Variants in LGR5 observed in about 807,000 individuals in gnomAD.
The protein encoded by LGR5 is leucine rich repeat containing G protein-coupled receptor 5.
LGR5 carries 54 observed loss-of-function variants against 76.7 expected under a neutral mutation model. That is an observed-to-expected ratio of 0.70 (90% confidence interval 0.57 to 0.88). LGR5 has a LOEUF of 0.88. Ranked by LOEUF, LGR5 falls within the 40% of genes least tolerant of loss-of-function variation. The pLI is 0.00. For missense variants in LGR5, 1,078 were observed against 1,073.3 expected (o/e 1.00, Z -0.06); for synonymous variants, 406 against 421.9 (o/e 0.96, Z 0.46).
rs1215329616 is a variant in LGR5 at position 71,584,678 on chromosome 12, T to TATCCAGTGACTGAGAGCTGCCA, written c.2669_2690dup (p.His897GlnfsTer5). The TATCCAGTGACTGAGAGCTGCCA allele has an allele frequency of 6.2e-7, 1 of 1,614,042 alleles. No homozygotes were observed. The highest frequency in any genetic ancestry group is 1.3e-5 in the African/African-American group (1 of 75,044). Reference sequence around the variant, plus strand: ...TCCCAGTTCCGTGCCATCACCAGCTTATCCAGTGACTGAGAGCTGCCATCT... The same window carrying TATCCAGTGACTGAGAGCTGCCA: ...TCCCAGTTCCGTGCCATCACCAGCTTATCCAGTGACTGAGAGCTGCCAATCCAGTGACTGAGAGCTGCCATCT... On this transcript the variant is annotated frameshift_variant, in exon 18 of 18. Coordinates refer to ENST00000266674, the MANE Select transcript of LGR5 (RefSeq NM_003667.4). LOFTEE classifies it high-confidence loss of function.
intron 2 of LGR5, among the ~76,000 whole-genome samples, chr12:71,521,332 G>T (rs1287849750): frequency 6.6e-6 from 1 of 152,140 alleles, no homozygotes; most frequent in Non-Finnish European, 1.5e-5. Flanking sequence ...ATCCTGATTC[G>T]ATTATTCATC....
At chr12:71,442,832 A>T (rs1871825395) in intron 1 of LGR5, among the ~76,000 whole-genome samples, 1 of 152,240 alleles carries the variant, frequency 6.6e-6, no homozygotes, top group Non-Finnish European at 1.5e-5. Context: ...CCAAAACATA[A>T]AAGAGGAATT....
chr12:71,572,400 T>A lies in LGR5; in HGVS notation c.1137-450T>A, dbSNP rs898163023. 3.3e-5 allele frequency among the ~76,000 whole-genome samples: 5 copies of A among 152,310 alleles called. No homozygotes were observed. The East Asian group carries it at 7.7e-4, about 23-fold the overall frequency. On this transcript the variant is annotated intron_variant, in intron 12 of 17. Coordinates refer to ENST00000266674, the MANE Select transcript of LGR5 (RefSeq NM_003667.4). ...CCCGGCCAAACTTGTTGTTTTATAG[T>A]CACACTTCAGTTTTGATCAAAACAA...
intron 3 of LGR5, among the ~76,000 whole-genome samples, chr12:71,530,708 C>A (rs1297314257): frequency 6.6e-6 from 1 of 152,142 alleles, no homozygotes; most frequent in Non-Finnish European, 1.5e-5. Flanking sequence ...CTAGTGTAAG[C>A]CATTCCATCA....
chr12:71,496,387 A>AG (rs1874321609), intron 1 of LGR5, among the ~76,000 whole-genome samples: 1 of 148,980 alleles, frequency 6.7e-6, no homozygotes, highest in African/African-American at 2.5e-5. Context: ...AAAAAAAAAA[A>AG]AAAAAGAGAG....
chr12:71,524,432 A>G lies in LGR5; in HGVS notation c.311A>G (p.Tyr104Cys), dbSNP rs563501668. ...ELRLAGNALT[Y>C]IPKGAFTGLY... Reference sequence around the variant, plus strand: ...CGTCTTGCGGGAAACGCTCTGACATACATTCCCAAGGGAGCATTCACTGGC... The same window carrying G: ...CGTCTTGCGGGAAACGCTCTGACATGCATTCCCAAGGGAGCATTCACTGGC... Residue 104 changes from tyrosine to cysteine, a missense_variant, in exon 3 of 18, where the codon TAC becomes TGC. Transcript: ENST00000266674. The G allele has an allele frequency of 6.2e-7, 1 of 1,613,400 alleles. No homozygotes were observed. The highest frequency in any genetic ancestry group is 1.3e-5 in the African/African-American group (1 of 75,014).
At chr12:71,510,374 T>A (rs1875091223) in intron 2 of LGR5, among the ~76,000 whole-genome samples, 1 of 152,188 alleles carries the variant, frequency 6.6e-6, no homozygotes, top group South Asian at 2.1e-4. Flanking sequence ...GTGGTGTATA[T>A]CTTTTGTTAT....
At chr12:71,521,227 A>ATACCATACCTT (rs1010323557) in intron 2 of LGR5, among the ~76,000 whole-genome samples, 6 of 152,216 alleles carry the variant, frequency 3.9e-5, no homozygotes, top group African/African-American at 1.4e-4. Context: ...GGCAAGTATG[A>ATACCATACCTT]TACCATACCT....
At chr12:71,541,961 A>T (rs746976309) in intron 4 of LGR5, among the ~76,000 whole-genome samples, 10 of 152,242 alleles carry the variant, frequency 6.6e-5, no homozygotes, top group Admixed American at 3.3e-4. Flanking sequence ...ACAGAAACAC[A>T]TATTATACCT....
chr12:71,447,329 C>T (rs1461427544), intron 1 of LGR5, among the ~76,000 whole-genome samples: 1 of 152,154 alleles, frequency 6.6e-6, no homozygotes, highest in Non-Finnish European at 1.5e-5. Context: ...CTTTTCTGAA[C>T]TATGCATTTA....
chr12:71,473,331 CTT>C (rs1223437483), intron 1 of LGR5, among the ~76,000 whole-genome samples: 1 of 151,768 alleles, frequency 6.6e-6, no homozygotes, highest in Non-Finnish European at 1.5e-5. Flanking sequence ...CTTTTCAACA[CTT>C]AAAAAAATAT....
chr12:71,459,219 G>GCAAAGCA (rs1364448424), intron 1 of LGR5, among the ~76,000 whole-genome samples: 1 of 152,074 alleles, frequency 6.6e-6, no homozygotes, highest in East Asian at 1.9e-4. Flanking sequence ...CTGCAGTTGT[G>GCAAAGCA]TTCTGATTTC....
In LGR5 at chr12:71,556,675, A is replaced by G. The variant is rs1877784663; in HGVS notation, c.701A>G (p.His234Arg). The change falls in exon 6 of 18, where the codon CAC becomes CGC. Residue 234 changes from histidine to arginine, a missense_variant. By Grantham distance (29) the His-to-Arg change is conservative. Coordinates refer to ENST00000266674, the MANE Select transcript of LGR5 (RefSeq NM_003667.4). ...SLGKKCFDGLHSLETLDLNYN... is the reference protein window; with the variant it reads ...SLGKKCFDGLRSLETLDLNYN... ...GGAAAGAAATGCTTTGATGGGCTCC[A>G]CAGCCTAGAGACTTTGTGAGTTGAC... The G allele has an allele frequency of 1.2e-6, 2 of 1,610,774 alleles. No individual in the cohort carries two copies. The highest frequency in any genetic ancestry group is 2.2e-5 in the East Asian group (1 of 44,860).
At chr12:71,579,003 T>C (rs1878980895) in intron 15 of LGR5, 74 bp downstream of exon 15, 2 of 1,350,580 alleles carry the variant, frequency 1.5e-6, no homozygotes, top group South Asian at 1.6e-5. Context: ...AGTGGTGTTC[T>C]AAATTTATGA....
chr12:71,529,090 G>A (rs1011967101), intron 3 of LGR5, among the ~76,000 whole-genome samples: 15 of 152,198 alleles, frequency 9.9e-5, no homozygotes, highest in African/African-American at 3.6e-4. Context: ...CCACTATGAC[G>A]TTTGTAATTT....
intron 3 of LGR5, among the ~76,000 whole-genome samples, chr12:71,526,730 A>G (rs1876024303): frequency 6.6e-6 from 1 of 152,140 alleles, no homozygotes; most frequent in Non-Finnish European, 1.5e-5. Context: ...GGGTACTGTG[A>G]AACTACAGAG....
intron 2 of LGR5, among the ~76,000 whole-genome samples, chr12:71,518,633 T>C (rs552618625): frequency 6.6e-6 from 1 of 152,176 alleles, no homozygotes; most frequent in Admixed American, 6.5e-5. Context: ...ATAAAGAAAA[T>C]GTGGTACATA....
chr12:71,439,290 C>T (rs1871625420), upstream of LGR5, among the ~76,000 whole-genome samples: 2 of 152,178 alleles, frequency 1.3e-5, no homozygotes, highest in African/African-American at 4.8e-5. Flanking sequence ...TATCATTCGC[C>T]GGGGACGCCT....
At chr12:71,511,877 T>A (rs1408384795) in intron 2 of LGR5, among the ~76,000 whole-genome samples, 2 of 152,140 alleles carry the variant, frequency 1.3e-5, no homozygotes, top group Non-Finnish European at 2.9e-5. Context: ...AGTTTTCAAG[T>A]CTTAAAGCTC....
Sources: allele counts gnomAD v4.1 joint callset (sites outside exome capture counted in the v4.1 genomes callset), GRCh38; gene constraint gnomAD v4.1.1; transcripts MANE v1.5; gene names NCBI Gene and HGNC (gene_info 2026-07-23, HGNC 2026-07-21).